The following TRIO variants were observed in gnomAD, a reference collection of about 807,000 sequenced individuals.
TRIO encodes the protein trio Rho guanine nucleotide exchange factor, also known as triple functional domain protein.
TRIO carries 58 observed loss-of-function variants against 351.9 expected under a neutral mutation model. The ratio of observed to expected loss-of-function variants is 0.16; its 90% confidence interval spans 0.13 to 0.21. The LOEUF is 0.21. Ranked by LOEUF, TRIO falls within the 10% of genes least tolerant of loss-of-function variation. The pLI, the probability that TRIO is intolerant of heterozygous loss-of-function variation, is 1.00. For missense variants in TRIO, 3,201 were observed against 4,027.8 expected (o/e 0.79, Z 5.56); for synonymous variants, 1,758 against 1,595.7 (o/e 1.10, Z -2.42).
intron 34 of TRIO, among the ~76,000 whole-genome samples, chr5:14,443,074 A>G (rs1360810646): frequency 2.6e-5 from 4 of 152,160 alleles, no homozygotes. Flanking sequence ...CTCAAGGGAC[A>G]TTATTAAATT....
chr5:14,403,107 G>T, intron 31 of TRIO, among the ~76,000 whole-genome samples: 1 of 147,998 alleles, frequency 6.8e-6, no homozygotes, highest in Admixed American at 6.7e-5. Flanking sequence ...TGAGGGCATA[G>T]GTTGTGAGGG....
At chr5:14,265,203 C>A (rs1795598760) in intron 1 of TRIO, among the ~76,000 whole-genome samples, 1 of 151,302 alleles carries the variant, frequency 6.6e-6, no homozygotes, top group South Asian at 2.1e-4. Context: ...CACAGCTTGT[C>A]TTGTGGGCTT....
intron 16 of TRIO, 29 bp downstream of exon 16, chr5:14,367,008 G>A (rs1038086776): frequency 1.6e-5 from 25 of 1,612,744 alleles, no homozygotes; most frequent in Middle Eastern, 1.6e-4. Flanking sequence ...CCTGTGTGTT[G>A]GCTCTTTCAT....
intron 25 of TRIO, 57 bp downstream of exon 25, chr5:14,389,455 A>C (rs1392868313): frequency 7.9e-7 from 1 of 1,263,044 alleles, no homozygotes; most frequent in Non-Finnish European, 1.1e-6. Context: ...CTGAAGTTTC[A>C]TCACAAGAAA....
chr5:14,371,689 G>T (rs1468219031), intron 18 of TRIO, among the ~76,000 whole-genome samples: 1 of 149,908 alleles, frequency 6.7e-6, no homozygotes, highest in Non-Finnish European at 1.5e-5. Context: ...CAACCAAGCT[G>T]GAGTGCACTG....
intron 1 of TRIO, among the ~76,000 whole-genome samples, chr5:14,211,590 G>GTTTTTTTTTTTTTTTTTTT (rs33992664): frequency 8.3e-6 from 1 of 120,070 alleles, no homozygotes; most frequent in Non-Finnish European, 1.7e-5. Flanking sequence ...ACACTCAGTT[G>GTTTTTTTTTTTTTTTTTTT]TTTTTTTTTT....
intron 1 of TRIO, among the ~76,000 whole-genome samples, chr5:14,151,379 TG>T (rs1787819029): frequency 3.6e-5 from 3 of 84,256 alleles, no homozygotes; most frequent in African/African-American, 2.0e-4. Context: ...TGTGTGTGTG[TG>T]TGTGTTTGTG....
Position 14,496,998 on chromosome 5 carries a change from G to C in TRIO, c.8000G>C (p.Ser2667Thr). Residue 2667 changes from serine (S) to threonine (T), a missense_variant, in exon 50 of 57, where the codon AGC becomes ACC. Coordinates refer to ENST00000344204, the MANE Select transcript of TRIO (RefSeq NM_007118.4). ...NGYRKSREGL[S>T]NKVSVKLLNP... ...TATCGGAAGTCACGGGAAGGACTCA[G>C]CAACAAGGTATCTGTGAAGGTGTGT... 1 of 1,614,206 alleles carries C rather than the reference G, an allele frequency of 6.2e-7. No individual in the cohort carries two copies. The highest frequency in any genetic ancestry group is 8.5e-7 in the Non-Finnish European group (1 of 1,180,034).
At chr5:14,333,141 C>T (rs1049442918) in intron 10 of TRIO, among the ~76,000 whole-genome samples, 1 of 152,168 alleles carries the variant, frequency 6.6e-6, no homozygotes, top group African/African-American at 2.4e-5. Context: ...GGAGTTGTAT[C>T]ACCCGCGGGC....
chr5:14,235,826 T>TA (rs373166268), intron 1 of TRIO, among the ~76,000 whole-genome samples: 371 of 152,142 alleles, frequency 2.4e-3, no homozygotes, highest in African/African-American at 8.4e-3. Context: ...AATTTTTAAT[T>TA]AAAAAAAATT....
In TRIO at chr5:14,497,020, G is replaced by T. The variant is rs374125570; in HGVS notation, c.8019+3G>T. On this transcript the variant is annotated splice_donor_region_variant and intron_variant, in intron 50 of 56. Coordinates refer to ENST00000344204, the MANE Select transcript of TRIO (RefSeq NM_007118.4). This position sits in a 1 kb window ranked among gnomAD's most constrained non-coding sequence, Gnocchi z 4.4. ...TCAGCAACAAGGTATCTGTGAAGGT[G>T]TGTTCGGGGGTCTTCAGGAGTCCGT... 1 of 1,614,026 alleles carries T rather than the reference G, an allele frequency of 6.2e-7. No homozygotes were observed. The highest frequency in any genetic ancestry group is 8.5e-7 in the Non-Finnish European group (1 of 1,179,964).
chr5:14,195,980 A>G (rs1790746515), intron 1 of TRIO, among the ~76,000 whole-genome samples: 1 of 152,108 alleles, frequency 6.6e-6, no homozygotes. Flanking sequence ...AATTTTAAAA[A>G]CTGAGCATTA....
In TRIO at chr5:14,394,048, A is replaced by G. The variant is rs1453552751; in HGVS notation, c.4229A>G (p.Gln1410Arg). 6.2e-7 allele frequency: 1 copy of G among 1,612,640 alleles called. No individual in the cohort carries two copies. The highest frequency in any genetic ancestry group is 8.5e-7 in the Non-Finnish European group (1 of 1,179,150). The change falls in exon 28 of 57, where the codon CAG (glutamine) becomes CGG (arginine). Residue 1410 changes from glutamine to arginine, a missense_variant. By Grantham distance (43) the Gln-to-Arg change is conservative. Coordinates refer to ENST00000344204, the MANE Select transcript of TRIO (RefSeq NM_007118.4). ...HAGSYFDEIQ[Q>R]RHGLANSISS... Reference sequence around the variant, plus strand: ...TTGGTTTTAATACAGGAGATACAGCAGCGACATGGATTAGCCAATTCCATT... The same window carrying G: ...TTGGTTTTAATACAGGAGATACAGCGGCGACATGGATTAGCCAATTCCATT...
At position 14,336,607 on chromosome 5, in the gene TRIO, C is replaced by A. The variant is rs751748859; in HGVS notation, c.1926C>A (p.Pro642=). The A allele has an allele frequency of 1.2e-6, 2 of 1,614,142 alleles. No homozygotes were observed. The highest frequency in any genetic ancestry group is 1.7e-6 in the Non-Finnish European group (2 of 1,180,040). Residue 642 remains proline (P), a synonymous_variant, in exon 11 of 57, where the codon CCC becomes CCA. Transcript: ENST00000344204. Reference sequence around the variant, plus strand: ...TGGCTCAGACTGGGGAATGTGACCCCGAAGAGATTTATCAGGCTGCCCATC... The same window carrying A: ...TGGCTCAGACTGGGGAATGTGACCCAGAAGAGATTTATCAGGCTGCCCATC... ...EQLAQTGECD[P]EEIYQAAHQL... is the part of the protein sequence containing the mutation.
intron 1 of TRIO, among the ~76,000 whole-genome samples, chr5:14,229,884 A>G (rs1793297451): frequency 1.3e-5 from 2 of 152,226 alleles, no homozygotes; most frequent in Admixed American, 6.5e-5. Context: ...TGCTATGAGA[A>G]TGTCATCTCT....
chr5:14,238,373 T>G (rs903188631), intron 1 of TRIO, among the ~76,000 whole-genome samples: 2 of 152,190 alleles, frequency 1.3e-5, no homozygotes, highest in South Asian at 2.1e-4. Context: ...TAGGGTTTTT[T>G]CCCTCCTGCA....
At position 14,316,612 on chromosome 5, in the gene TRIO, G is replaced by A. The variant is rs775971526; in HGVS notation, c.1600G>A (p.Val534Met). 17 of 1,614,044 alleles carry A rather than the reference G, an allele frequency of 1.1e-5. No individual in the cohort carries two copies. The highest frequency in any genetic ancestry group is 4.0e-5 in the African/African-American group (3 of 74,922). Residue 534 changes from valine (V) to methionine (M), a missense_variant, in exon 9 of 57, where the codon GTG (valine) becomes ATG (methionine). This residue lies in a region of TRIO where 349 missense variants were observed against 449.3 expected (regional missense o/e 0.78). Coordinates refer to ENST00000344204, the MANE Select transcript of TRIO (RefSeq NM_007118.4). ...LTASANYSKA[V>M]HHVLDVIHEV... ...AGCCTCTGCCAACTACTCCAAGGCC[G>A]TGCACCATGTCCTGGATGTCATCCA...
At chr5:14,242,642 A>T (rs1794196066) in intron 1 of TRIO, among the ~76,000 whole-genome samples, 2 of 152,152 alleles carry the variant, frequency 1.3e-5, no homozygotes, top group South Asian at 4.2e-4. Flanking sequence ...TGGCAGGATC[A>T]TGGGTCATCG....
chr5:14,188,446 G>A (rs73055601), intron 1 of TRIO, among the ~76,000 whole-genome samples: 6,549 of 152,226 alleles, frequency 0.043, 488 homozygotes, highest in African/African-American at 0.15. Flanking sequence ...TAACCACTTC[G>A]CTATAACTGT....
Sources: allele counts gnomAD v4.1 joint callset (sites outside exome capture counted in the v4.1 genomes callset), GRCh38; gene constraint gnomAD v4.1.1; regional missense constraint gnomAD v4.1.1; non-coding constraint Gnocchi (gnomAD v3.1); transcripts MANE v1.5; gene names NCBI Gene and HGNC (gene_info 2026-07-23, HGNC 2026-07-21).